The following BAIAP2L1 variants were observed in gnomAD, a reference collection of about 807,000 sequenced individuals.
BAIAP2L1 encodes the protein BAR/IMD domain containing adaptor protein 2 like 1.
In BAIAP2L1, 35 loss-of-function variants were observed where a neutral mutation model predicts 66.3. That is an observed-to-expected ratio of 0.53 (90% CI 0.40 to 0.70). The LOEUF is 0.70. Among genes scored for constraint, BAIAP2L1 ranks in the 30% least tolerant of loss-of-function variants. The pLI is 0.00. For synonymous variants in BAIAP2L1, 269 were observed against 248.7 expected, an observed-to-expected ratio of 1.08 and a Z score of -0.77; for missense variants, 622 against 656.9, an observed-to-expected ratio of 0.95 and a Z score of 0.58.
At chr7:98,390,195 A>G (rs947453718) in intron 1 of BAIAP2L1, among the ~76,000 whole-genome samples, 13 of 151,716 alleles carry the variant, frequency 8.6e-5, no homozygotes, top group Admixed American at 2.0e-4. Context: ...GATTACAGGC[A>G]TGAGCCACTG....
chr7:98,327,529 C>T (rs1278632696), intron 3 of BAIAP2L1, among the ~76,000 whole-genome samples: 7 of 151,934 alleles, frequency 4.6e-5, no homozygotes, highest in South Asian at 2.1e-4. Flanking sequence ...CAAAATTAGC[C>T]GGGCATGGTG....
Position 98,293,439 on chromosome 7 carries a change from C to A in BAIAP2L1, c.*82G>T. On this transcript the variant is annotated 3_prime_UTR_variant, in exon 14 of 14. Coordinates refer to ENST00000005260, the MANE Select transcript of BAIAP2L1 (RefSeq NM_018842.5). Reference sequence around the variant, plus strand: ...GGCCTCTCCACTGAAGCTTCCCGACCGTCAGCACGTGGCAGACAGGATGCG... The same window carrying A: ...GGCCTCTCCACTGAAGCTTCCCGACAGTCAGCACGTGGCAGACAGGATGCG... 1 of 1,318,064 alleles carries A rather than the reference C, an allele frequency of 7.6e-7. No individual in the cohort carries two copies. Among genetic ancestry groups the A allele is most frequent in the South Asian group, 1.2e-5 (1 of 84,090 alleles). 81.6% of individuals were successfully genotyped at this position (1,318,064 alleles called of 1,614,324 possible).
intron 1 of BAIAP2L1, among the ~76,000 whole-genome samples, chr7:98,382,701 G>C (rs1802786351): frequency 6.6e-6 from 1 of 152,092 alleles, no homozygotes; most frequent in African/African-American, 2.4e-5. Context: ...TTGAAGCTTT[G>C]GCAATTAGCA....
At chr7:98,388,848 C>A (rs1015157995) in intron 1 of BAIAP2L1, among the ~76,000 whole-genome samples, 1 of 151,928 alleles carries the variant, frequency 6.6e-6, no homozygotes, top group African/African-American at 2.4e-5. Flanking sequence ...GCGGCACGTG[C>A]CTGTAGTCCC....
At chr7:98,343,828 C>T (rs1342784625) in intron 3 of BAIAP2L1, among the ~76,000 whole-genome samples, 2 of 152,218 alleles carry the variant, frequency 1.3e-5, no homozygotes, top group Non-Finnish European at 2.9e-5. Flanking sequence ...CCACTCAGCC[C>T]TGCTACTGTA....
chr7:98,293,834 A>C (rs1239187011), intron 13 of BAIAP2L1, among the ~76,000 whole-genome samples: 2 of 152,186 alleles, frequency 1.3e-5, no homozygotes, highest in Non-Finnish European at 2.9e-5. Context: ...GGGCACCCAC[A>C]CCTCTTTAGT....
chr7:98,355,727 C>T lies in BAIAP2L1; in HGVS notation c.128-599G>A, dbSNP rs548985379. 3.3e-5 allele frequency among the ~76,000 whole-genome samples: 5 copies of T among 152,096 alleles called. No individual in the cohort carries two copies. The South Asian group carries it at 8.3e-4, about 25-fold the overall frequency. On this transcript the variant is annotated intron_variant, in intron 2 of 13. Coordinates refer to ENST00000005260, the MANE Select transcript of BAIAP2L1 (RefSeq NM_018842.5). ...TCTGGGTGACACAGCCAGATATTGT[C>T]TCAAAAATAAATATAAAAAAAGAAG... is the stretch of plus-strand genomic sequence containing the variant.
chr7:98,312,328 C>A, intron 7 of BAIAP2L1, 64 bp from the exon 8 acceptor site: 1 of 1,505,172 alleles, frequency 6.6e-7, no homozygotes, highest in South Asian at 1.3e-5. Context: ...AGAAAAATGA[C>A]ATCACGTCAT....
At chr7:98,344,615 G>C (rs1215765628) in intron 3 of BAIAP2L1, among the ~76,000 whole-genome samples, 1 of 152,040 alleles carries the variant, frequency 6.6e-6, no homozygotes, top group Non-Finnish European at 1.5e-5. Context: ...TGCAAATTTT[G>C]CATATGTATA....
At chr7:98,307,948 G>A (rs1800723355) in intron 9 of BAIAP2L1, 52 bp from the exon 10 acceptor site, 1 of 1,537,134 alleles carries the variant, frequency 6.5e-7, no homozygotes, top group African/African-American at 1.4e-5. Context: ...AGAATCAATA[G>A]GCACATTCCA....
intron 1 of BAIAP2L1, chr7:98,386,552 T>C (rs1279482566): frequency 3.1e-6 from 5 of 1,597,296 alleles, no homozygotes; most frequent in East Asian, 2.2e-5. Flanking sequence ...TTTTGCCGCC[T>C]TTCGTAAGGC....
intron 2 of BAIAP2L1, among the ~76,000 whole-genome samples, chr7:98,360,418 T>C (rs1177002031): frequency 6.6e-6 from 1 of 152,126 alleles, no homozygotes; most frequent in South Asian, 2.1e-4. Context: ...CCAAGGACTT[T>C]ACACATTTAC....
At chr7:98,332,382 CAAAAAAAA>C (rs55987839) in intron 3 of BAIAP2L1, among the ~76,000 whole-genome samples, 8 of 27,752 alleles carry the variant, frequency 2.9e-4, no homozygotes, top group Admixed American at 8.7e-4. Flanking sequence ...GACTCCATCT[CAAAAAAAA>C]AAAAAAAAAA....
At chr7:98,304,937 C>T (rs1454162338) in intron 11 of BAIAP2L1, among the ~76,000 whole-genome samples, 1 of 150,046 alleles carries the variant, frequency 6.7e-6, no homozygotes, top group Non-Finnish European at 1.5e-5. Flanking sequence ...GCGATCTTGG[C>T]TCACTGCAAC....
chr7:98,385,711 G>T, intron 1 of BAIAP2L1: 2 of 1,178,290 alleles, frequency 1.7e-6, no homozygotes, highest in Non-Finnish European at 2.4e-6. Flanking sequence ...CCCACACCCA[G>T]CCAGGAATCA....
At position 98,304,436 on chromosome 7, in the gene BAIAP2L1, A is replaced by C; in HGVS notation, c.1242-60T>G. ...AATGTCTCACCACCAAACCCCAAAC[A>C]TCCTCTGTGTCCCTGACCAAGGACA... On this transcript the variant is annotated intron_variant, in intron 11 of 13. Transcript: ENST00000005260. 1.9e-6 allele frequency: 3 copies of C among 1,559,626 alleles called. No individual in the cohort carries two copies. In the South Asian group the frequency reaches 3.4e-5, roughly 18 times the overall value.
intron 3 of BAIAP2L1, among the ~76,000 whole-genome samples, chr7:98,331,162 G>T (rs765725382): frequency 6.6e-6 from 1 of 152,114 alleles, no homozygotes; most frequent in Admixed American, 6.5e-5. Flanking sequence ...TTGAAGATAC[G>T]TCAACATAAA....
chr7:98,352,631 G>A (rs757057663), intron 3 of BAIAP2L1, among the ~76,000 whole-genome samples: 1 of 152,108 alleles, frequency 6.6e-6, no homozygotes, highest in Non-Finnish European at 1.5e-5. Flanking sequence ...GATGGAGTGA[G>A]GTTCCGTCTC....
chr7:98,308,372 C>T (rs1321612788), intron 9 of BAIAP2L1: 2 of 439,754 alleles, frequency 4.5e-6, no homozygotes, highest in Admixed American at 2.4e-5. Context: ...CTCAGCTTCT[C>T]ACCCCCAGGC....
Sources: gnomAD v4.1 joint callset for allele counts (sites outside exome capture counted in the v4.1 genomes callset) on GRCh38, gnomAD v4.1.1 for gene constraint, MANE v1.5 for transcripts, NCBI Gene and HGNC (gene_info 2026-07-23, HGNC 2026-07-21) for gene names.